The following CNTNAP4 variants were observed in gnomAD, a reference collection of about 807,000 sequenced individuals.
CNTNAP4 encodes the protein contactin associated protein family member 4, also known as contactin-associated protein-like 4.
A neutral mutation model predicts 148.4 loss-of-function variants in CNTNAP4; 98 were observed. That is an observed-to-expected ratio of 0.66 (90% CI 0.56 to 0.78). The LOEUF is 0.78. Ranked by LOEUF, CNTNAP4 falls within the 30% of genes least tolerant of loss-of-function variation. The pLI, the probability that CNTNAP4 is intolerant of heterozygous loss-of-function variation, is 0.00. For missense variants in CNTNAP4, 1,935 were observed against 1,565.6 expected (o/e 1.24, Z -3.98); for synonymous variants, 730 against 565.1 (o/e 1.29, Z -4.14).
intron 10 of CNTNAP4, among the ~76,000 whole-genome samples, chr16:76,473,012 G>A (rs1019936826): frequency 2.0e-5 from 3 of 152,054 alleles, no homozygotes; most frequent in Non-Finnish European, 4.4e-5. Context: ...GCAGAGGGGG[G>A]AAGCCTTCTC....
Position 76,390,780 on chromosome 16 carries a change from A to C in CNTNAP4, c.390+35269A>C, listed in dbSNP as rs147065886. 3.2e-3 allele frequency among the ~76,000 whole-genome samples: 480 copies of C among 152,194 alleles called. 2 individuals are homozygous for C. Among genetic ancestry groups the C allele is most frequent in the Non-Finnish European group, 3.2e-3 (216 of 68,014 alleles). The stretch of plus-strand genomic sequence containing the variant: ...CTCTCTTAGCTAACTTGAATCTTTC[A>C]AGCACTTCTGGGTTTGCACTATAGG... On this transcript the variant is annotated intron_variant, in intron 3 of 23. Transcript: ENST00000611870.
chr16:76,342,978 G>A (rs559018237), intron 2 of CNTNAP4, among the ~76,000 whole-genome samples: 100 of 152,258 alleles, frequency 6.6e-4, no homozygotes, highest in African/African-American at 2.2e-3. Flanking sequence ...CTTCTGCTGG[G>A]ATGCCGTGTT....
chr16:76,418,094 G>A (rs1478607944), intron 3 of CNTNAP4, among the ~76,000 whole-genome samples: 1 of 67,266 alleles, frequency 1.5e-5, no homozygotes, highest in East Asian at 5.1e-4. Context: ...TTTTATTTTG[G>A]TTTTTAATCT....
At chr16:76,369,038 C>T (rs13334669) in intron 3 of CNTNAP4, among the ~76,000 whole-genome samples, 69,818 of 149,438 alleles carry the variant, frequency 0.47, 16,468 homozygotes, top group Admixed American at 0.54. Flanking sequence ...TTTGTTTTTT[C>T]GTTTTTTGGT....
chr16:76,476,051 C>A lies in CNTNAP4; in HGVS notation c.1762+6C>A. On this transcript the variant is annotated splice_donor_region_variant and intron_variant, in intron 11 of 23. Coordinates refer to ENST00000611870, the MANE Select transcript of CNTNAP4 (RefSeq NM_033401.5). The stretch of plus-strand genomic sequence containing the variant: ...AGGAGCTACTTGCCATAACTGTAAG[C>A]GGAACACATCTGCTTTTTCTTGCCC... 1 of 1,585,552 alleles carries A rather than the reference C, an allele frequency of 6.3e-7. No homozygotes were observed. Among genetic ancestry groups the A allele is most frequent in the Non-Finnish European group, 8.7e-7 (1 of 1,154,168 alleles).
In CNTNAP4 at chr16:76,523,767, TA is replaced by T. The variant is rs1462759054; in HGVS notation, c.2755+1516del. Among the ~76,000 whole-genome samples, 3 of 151,892 alleles carry T rather than the reference TA, an allele frequency of 2.0e-5. No homozygotes were observed. The East Asian group carries it at 5.8e-4, about 29-fold the overall frequency. ...CAGCAAGATCCATCTCTACAAAAAG[TA>T]AAAAATTAAAAAAATTAGGCAGGCA... On this transcript the variant is annotated intron_variant, in intron 17 of 23. Transcript: ENST00000611870.
At chr16:76,305,127 G>A (rs550428936) in intron 1 of CNTNAP4, among the ~76,000 whole-genome samples, 3 of 152,248 alleles carry the variant, frequency 2.0e-5, no homozygotes, top group East Asian at 1.9e-4. Flanking sequence ...TAAATTGCAC[G>A]TTTAGTTTTA....
chr16:76,360,242 A>T (rs577177146), intron 3 of CNTNAP4, among the ~76,000 whole-genome samples: 4 of 152,296 alleles, frequency 2.6e-5, no homozygotes, highest in African/African-American at 7.2e-5. Context: ...GTAGTCAGTG[A>T]GGCAGAAGCA....
chr16:76,499,563 A>C (rs13330535), intron 15 of CNTNAP4, among the ~76,000 whole-genome samples: 1 of 151,216 alleles, frequency 6.6e-6, no homozygotes, highest in Non-Finnish European at 1.5e-5. Context: ...TTATTTATTT[A>C]TTTATTTTAG....
chr16:76,471,549 C>T (rs2081376362), intron 10 of CNTNAP4, among the ~76,000 whole-genome samples: 1 of 152,122 alleles, frequency 6.6e-6, no homozygotes, highest in Non-Finnish European at 1.5e-5. Context: ...ACTATCCAGC[C>T]CTCAGGTTCT....
intron 3 of CNTNAP4, among the ~76,000 whole-genome samples, chr16:76,364,160 C>T (rs1768263627): frequency 7.4e-6 from 1 of 135,748 alleles, no homozygotes; most frequent in African/African-American, 2.7e-5. Context: ...TCACTAGAAC[C>T]TGGGAGGTGG....
intron 1 of CNTNAP4, among the ~76,000 whole-genome samples, chr16:76,316,012 G>T (rs966584075): frequency 1.3e-5 from 2 of 152,056 alleles, no homozygotes; most frequent in African/African-American, 4.8e-5. Flanking sequence ...AATACTAATT[G>T]TATACTGGGT....
At chr16:76,539,018 G>T (rs1482527500) in intron 19 of CNTNAP4, among the ~76,000 whole-genome samples, 2 of 151,942 alleles carry the variant, frequency 1.3e-5, no homozygotes, top group East Asian at 1.9e-4. Flanking sequence ...TATCCCAAGG[G>T]TACTGTACTG....
chr16:76,397,823 C>T (rs970292436), intron 3 of CNTNAP4, among the ~76,000 whole-genome samples: 11 of 117,284 alleles, frequency 9.4e-5, no homozygotes, highest in African/African-American at 3.3e-4. Flanking sequence ...GTGTGTAGAG[C>T]GAAGGAAAGA....
chr16:76,316,279 T>C, intron 1 of CNTNAP4, 134 bp from the exon 2 acceptor site: 1 of 717,250 alleles, frequency 1.4e-6, no homozygotes, highest in Non-Finnish European at 2.6e-6. Context: ...GCCCTGGAAG[T>C]AGTAGGCATA....
At position 76,282,160 on chromosome 16, in the gene CNTNAP4, C is replaced by A. The variant is rs189878879; in HGVS notation, c.85+4413C>A. 2.6e-3 allele frequency among the ~76,000 whole-genome samples: 390 copies of A among 151,878 alleles called. 2 individuals are homozygous for A. Among genetic ancestry groups the A allele is most frequent in the African/African-American group, 9.0e-3 (373 of 41,500 alleles). Reference sequence around the variant, plus strand: ...ATACTTGCAGAGTTGTGGTACTGAACGCAATGCTATTATTGCCAGGAACTG... The same window carrying A: ...ATACTTGCAGAGTTGTGGTACTGAAAGCAATGCTATTATTGCCAGGAACTG... On this transcript the variant is annotated intron_variant, in intron 1 of 23. Transcript: ENST00000611870.
chr16:76,493,242 G>A (rs998106354), intron 13 of CNTNAP4, among the ~76,000 whole-genome samples: 8 of 152,250 alleles, frequency 5.3e-5, no homozygotes, highest in Admixed American at 5.2e-4. Flanking sequence ...TGGTGATTTA[G>A]TGTCAAGTGA....
intron 13 of CNTNAP4, 112 bp from the exon 14 acceptor site, chr16:76,494,798 C>T: frequency 8.8e-7 from 1 of 1,138,450 alleles, no homozygotes; most frequent in Non-Finnish European, 1.3e-6. Flanking sequence ...ATCAATCTTT[C>T]TCCTTTTCTC....
In CNTNAP4 at chr16:76,534,118, C is replaced by A. The variant is rs1035766049; in HGVS notation, c.2756-1427C>A. Among the ~76,000 whole-genome samples, 8 of 152,170 alleles carry A rather than the reference C, an allele frequency of 5.3e-5. 1 individual carries two copies. Among genetic ancestry groups the A allele is most frequent in the African/African-American group, 1.9e-4 (8 of 41,446 alleles). ...TCATTCTCAGTCTCAGAGACCCAAG[C>A]ATCTCTGTGGGGCAAAAGGGGTCCC... On this transcript the variant is annotated intron_variant, in intron 17 of 23. Coordinates refer to ENST00000611870, the MANE Select transcript of CNTNAP4 (RefSeq NM_033401.5).
Sources: gnomAD v4.1 joint callset for allele counts (sites outside exome capture counted in the v4.1 genomes callset) on GRCh38, gnomAD v4.1.1 for gene constraint, MANE v1.5 for transcripts, NCBI Gene and HGNC (gene_info 2026-07-23, HGNC 2026-07-21) for gene names.